Variants in FNIP1 observed in about 807,000 individuals in gnomAD.
The protein encoded by FNIP1 is folliculin interacting protein 1.
FNIP1 carries 40 observed loss-of-function variants against 124.5 expected under a neutral mutation model. The ratio of observed to expected loss-of-function variants is 0.32; its 90% CI spans 0.25 to 0.42. The LOEUF is 0.42. Ranked by LOEUF, FNIP1 falls within the 10% of genes least tolerant of loss-of-function variation. The probability of loss-of-function intolerance (pLI) is 1.00; values close to 1 mark genes in which losing one functional copy is unlikely to be tolerated. For synonymous variants in FNIP1, 472 were observed against 470.6 expected, an observed-to-expected ratio of 1.00 and a Z score of -0.04; for missense variants, 1,176 against 1,403.7, an observed-to-expected ratio of 0.84 and a Z score of 2.59.
At chr5:131,704,451 G>A (rs1158563775) in intron 9 of FNIP1, among the ~76,000 whole-genome samples, 185 bp from the exon 10 acceptor site, 1 of 152,048 alleles carries the variant, frequency 6.6e-6, no homozygotes, top group Non-Finnish European at 1.5e-5. Context: ...TCATGTTCTT[G>A]TAAGAAATTT....
intron 11 of FNIP1, among the ~76,000 whole-genome samples, chr5:131,682,465 T>A (rs769770282): frequency 1.3e-5 from 2 of 151,974 alleles, no homozygotes; most frequent in Non-Finnish European, 2.9e-5. Context: ...ACATCTATAA[T>A]CCCAGCACTT....
At chr5:131,728,159 G>C (rs1292891582) in intron 3 of FNIP1, among the ~76,000 whole-genome samples, 2 of 152,010 alleles carry the variant, frequency 1.3e-5, no homozygotes, top group Non-Finnish European at 2.9e-5. Context: ...TGTGTCTTGG[G>C]GTTGCTCTTC....
At chr5:131,657,749 A>C (rs1396784702) in intron 15 of FNIP1, among the ~76,000 whole-genome samples, 3 of 151,080 alleles carry the variant, frequency 2.0e-5, no homozygotes, top group East Asian at 1.9e-4. Context: ...AAAAAAAAAA[A>C]AAAAAAAAAC....
At chr5:131,733,045 A>G (rs952782095) in intron 2 of FNIP1, among the ~76,000 whole-genome samples, 17 of 152,070 alleles carry the variant, frequency 1.1e-4, no homozygotes, top group African/African-American at 3.9e-4. Flanking sequence ...GGTCCTTCAC[A>G]TCCCTTGTAA....
chr5:131,670,248 T>C (rs1175611538), intron 15 of FNIP1, among the ~76,000 whole-genome samples: 1 of 152,208 alleles, frequency 6.6e-6, no homozygotes, highest in Non-Finnish European at 1.5e-5. Flanking sequence ...TAAAGTACTT[T>C]CTGTATTTCA....
chr5:131,745,713 A>T (rs1770655569), intron 1 of FNIP1, among the ~76,000 whole-genome samples: 1 of 152,176 alleles, frequency 6.6e-6, no homozygotes, highest in African/African-American at 2.4e-5. Context: ...ATCACAATGA[A>T]TGAATTTCAG....
At chr5:131,735,452 G>GCATTT (rs1770257774) in intron 2 of FNIP1, among the ~76,000 whole-genome samples, 5 of 5,782 alleles carry the variant, frequency 8.6e-4, no homozygotes, top group Admixed American at 2.0e-3. Flanking sequence ...AGAACTTAAA[G>GCATTT]TATTTTATAT....
At chr5:131,765,438 T>C (rs1039110213) in intron 1 of FNIP1, among the ~76,000 whole-genome samples, 18 of 152,184 alleles carry the variant, frequency 1.2e-4, no homozygotes, top group Non-Finnish European at 1.5e-5. Context: ...GAAAATCACC[T>C]CTTTAGGCAA....
intron 16 of FNIP1, 80 bp from the exon 17 acceptor site, chr5:131,647,285 T>A (rs540075405): frequency 2.1e-6 from 2 of 967,670 alleles, no homozygotes; most frequent in South Asian, 1.4e-5. Flanking sequence ...AAACATAATG[T>A]TTTTGACAAT....
intron 13 of FNIP1, among the ~76,000 whole-genome samples, chr5:131,676,466 A>G (rs1393831409): frequency 1.3e-5 from 2 of 151,972 alleles, no homozygotes; most frequent in Non-Finnish European, 2.9e-5. Flanking sequence ...TGTACTTTAA[A>G]TATGTGTTGG....
chr5:131,693,319 C>CATATATATAT (rs1339116049), intron 11 of FNIP1, among the ~76,000 whole-genome samples: 1 of 41,622 alleles, frequency 2.4e-5, no homozygotes, highest in African/African-American at 7.7e-5. Flanking sequence ...TATATATACA[C>CATATATATAT]ATATATATAT....
At chr5:131,765,610 C>A (rs540445374) in intron 1 of FNIP1, among the ~76,000 whole-genome samples, 1 of 152,184 alleles carries the variant, frequency 6.6e-6, no homozygotes, top group Non-Finnish European at 1.5e-5. Flanking sequence ...TTTTAATCTG[C>A]GTGTAAATAT....
rs140094501 is a variant in FNIP1, at chr5:131,773,493, G to A, written c.92+23337C>T. Among the ~76,000 whole-genome samples, 936 of 152,202 alleles carry A rather than the reference G, an allele frequency of 6.1e-3. 12 individuals carry two copies. Among genetic ancestry groups the A allele is most frequent in the African/African-American group, 0.021 (858 of 41,520 alleles). ...CACCAATCTCTAACTACCATTTAGC[G>A]TTTCCTTCTATTAAAATGCAGGCAA... On this transcript the variant is annotated intron_variant, in intron 1 of 17. Transcript: ENST00000510461.
chr5:131,700,224 C>T (rs369190442), intron 10 of FNIP1, among the ~76,000 whole-genome samples: 1 of 151,906 alleles, frequency 6.6e-6, no homozygotes, highest in Admixed American at 6.6e-5. Context: ...CCTTGTGATC[C>T]GCCTGCCTCG....
rs757172029 is a variant in FNIP1 at position 131,750,771 on chromosome 5, C to T, written c.93-6081G>A. Among the ~76,000 whole-genome samples, 82 of 152,034 alleles carry T rather than the reference C, an allele frequency of 5.4e-4. 1 individual carries two copies. The highest frequency in any genetic ancestry group is 1.9e-4 in the Non-Finnish European group (13 of 67,984). On this transcript the variant is annotated intron_variant, in intron 1 of 17. Transcript: ENST00000510461. ...GAGATTACAGGTATGTGCCACCACG[C>T]CCAGCTAGTTTTTGTACTTTTAGTA...
At chr5:131,674,532 T>C (rs993716771) in intron 13 of FNIP1, among the ~76,000 whole-genome samples, 3 of 151,932 alleles carry the variant, frequency 2.0e-5, no homozygotes, top group African/African-American at 7.3e-5. Context: ...CTGGGCAACA[T>C]GGCGAAACCC....
At chr5:131,664,160 G>C (rs1372637278) in intron 15 of FNIP1, among the ~76,000 whole-genome samples, 3 of 152,164 alleles carry the variant, frequency 2.0e-5, no homozygotes, top group Non-Finnish European at 4.4e-5. Context: ...GCACACTAAT[G>C]CAGGGCCAAA....
chr5:131,765,778 C>T (rs1771400422), intron 1 of FNIP1, among the ~76,000 whole-genome samples: 1 of 152,118 alleles, frequency 6.6e-6, no homozygotes, highest in South Asian at 2.1e-4. Context: ...CATCCTTGAC[C>T]TTCATGACAC....
chr5:131,756,211 T>C (rs1265666150), intron 1 of FNIP1, among the ~76,000 whole-genome samples: 1 of 152,008 alleles, frequency 6.6e-6, no homozygotes, highest in Non-Finnish European at 1.5e-5. Context: ...GAGAAAGAGC[T>C]GAGAAAGACA....
Sources: gnomAD v4.1 joint callset for allele counts (sites outside exome capture counted in the v4.1 genomes callset) on GRCh38, gnomAD v4.1.1 for gene constraint, MANE v1.5 for transcripts, NCBI Gene and HGNC (gene_info 2026-07-23, HGNC 2026-07-21) for gene names.